The following ZNF839 variants were observed in gnomAD, a reference collection of about 807,000 sequenced individuals.
The protein encoded by ZNF839 is renal carcinoma antigen NY-REN-50.
In ZNF839, 38 loss-of-function variants were observed where a neutral mutation model predicts 56.4. The ratio of observed to expected loss-of-function variants is 0.67; its 90% CI spans 0.52 to 0.88. The LOEUF is 0.88. Among genes scored for constraint, ZNF839 ranks in the 40% least tolerant of loss-of-function variants. The pLI, the probability that ZNF839 is intolerant of heterozygous loss-of-function variation, is 0.00. For synonymous variants in ZNF839, 486 were observed against 493.5 expected, an observed-to-expected ratio of 0.98 and a Z score of 0.20; for missense variants, 1,091 against 1,177.6, an observed-to-expected ratio of 0.93 and a Z score of 1.08.
chr14:102,335,568 C>A, intron 4 of ZNF839, 121 bp from the exon 5 acceptor site: 1 of 998,432 alleles, frequency 1.0e-6, no homozygotes. Flanking sequence ...CTGAAGGAAA[C>A]GCACACCACT....
chr14:102,340,376 A>G (rs1162117142), intron 7 of ZNF839, among the ~76,000 whole-genome samples: 1 of 151,566 alleles, frequency 6.6e-6, no homozygotes, highest in Admixed American at 6.6e-5. Flanking sequence ...GGCTCAAGCA[A>G]TTCTCCTGCC....
Position 102,341,740 on chromosome 14 carries a change from A to C in ZNF839, c.2345A>C (p.His782Pro), listed in dbSNP as rs1466315996. The C allele has an allele frequency of 6.2e-7, 1 of 1,613,966 alleles. No homozygotes were observed. The highest frequency in any genetic ancestry group is 8.5e-7 in the Non-Finnish European group (1 of 1,179,884). The change falls in exon 8 of 8, where the codon CAC becomes CCC. Residue 782 changes from histidine to proline, a missense_variant. Physicochemically the swap from His to Pro is moderately conservative, Grantham distance 77 (BLOSUM62 -2). Transcript: ENST00000442396. The stretch of plus-strand genomic sequence containing the variant: ...AAGGTTTGTGACTTCCACCTGAACC[A>C]CCAGCAGCCCAGCCCCACCAGCGTC... Reference protein sequence around the residue: ...LGKVCDFHLNHQQPSPTSVLP... With the variant: ...LGKVCDFHLNPQQPSPTSVLP...
At chr14:102,327,833 C>T (rs1464234368) in intron 2 of ZNF839, among the ~76,000 whole-genome samples, 1 of 152,108 alleles carries the variant, frequency 6.6e-6, no homozygotes, top group Admixed American at 6.6e-5. Context: ...GGGAATGCAT[C>T]CGTCAGCTCT....
At chr14:102,318,648 T>C (rs985193146), upstream of ZNF839, among the ~76,000 whole-genome samples, 2 of 146,702 alleles carry the variant, frequency 1.4e-5, no homozygotes, top group Non-Finnish European at 3.0e-5. Context: ...AAAAAAAAAA[T>C]TGTGGTAAGA....
intron 1 of ZNF839, among the ~76,000 whole-genome samples, chr14:102,322,145 C>A (rs1259757432): frequency 6.6e-6 from 1 of 152,176 alleles, no homozygotes; most frequent in East Asian, 1.9e-4. Context: ...GGCAGCCCAC[C>A]ACCTCTGGGC....
In ZNF839 at chr14:102,328,376, ATATATATATAT is replaced by A. The variant is rs1167744157; in HGVS notation, c.1191+1490_1191+1500del. On this transcript the variant is annotated intron_variant, in intron 2 of 7. Coordinates refer to ENST00000442396, the MANE Select transcript of ZNF839 (RefSeq NM_018335.6). Reference sequence around the variant, plus strand: ...TCTCAAAAAAAAAAAAAAAAAAAAAATATATATATATATATATATATATATATATATATATG... The same window carrying A: ...TCTCAAAAAAAAAAAAAAAAAAAAAAATATATATATATATATATATATATG... Among the ~76,000 whole-genome samples, 84 of 16,944 alleles carry A rather than the reference ATATATATATAT, an allele frequency of 5.0e-3. 2 individuals carry two copies. The highest frequency in any genetic ancestry group is 0.015 in the African/African-American group (73 of 4,742). 11.1% of individuals were successfully genotyped at this position (16,944 alleles called of 152,430 possible).
rs2073039984 is a variant in ZNF839, at chr14:102,320,054, G to A, written c.288+1G>A. Reference sequence around the variant, plus strand: ...CCTGCCGCGCCTGCTCCCGCCCCAGGTGAGGCGTCGGGAGGGACGTGGGGA... The same window carrying A: ...CCTGCCGCGCCTGCTCCCGCCCCAGATGAGGCGTCGGGAGGGACGTGGGGA... On this transcript the variant is annotated splice_donor_variant, in intron 1 of 7. Coordinates refer to ENST00000442396, the MANE Select transcript of ZNF839 (RefSeq NM_018335.6). LOFTEE classifies it high-confidence loss of function. 8.5e-7 allele frequency: 1 copy of A among 1,182,510 alleles called. No individual in the cohort carries two copies. Among genetic ancestry groups the A allele is most frequent in the Non-Finnish European group, 1.0e-6 (1 of 956,478 alleles). 73.3% of individuals were successfully genotyped at this position (1,182,510 alleles called of 1,614,324 possible). A position where few individuals can be genotyped will look rare whatever the true frequency, so the allele number is the denominator to read the frequency against.
upstream of ZNF839, chr14:102,319,407 T>G: frequency 5.6e-6 from 1 of 177,342 alleles, no homozygotes; most frequent in Non-Finnish European, 1.2e-5. The surrounding 1 kb of genome is among the most constrained non-coding windows in gnomAD (Gnocchi z 4.5). Flanking sequence ...CCTCCGCTGA[T>G]TCGGATGCAT....
upstream of ZNF839, among the ~76,000 whole-genome samples, chr14:102,319,043 G>A (rs1450074124): frequency 6.6e-6 from 1 of 152,254 alleles, no homozygotes. This position sits in a 1 kb window ranked among gnomAD's most constrained non-coding sequence, Gnocchi z 4.5. Context: ...TCAACCGTAA[G>A]AAGGAGAGGC....
At chr14:102,331,458 C>G in intron 2 of ZNF839, 164 bp from the exon 3 acceptor site, 1 of 605,416 alleles carries the variant, frequency 1.7e-6, no homozygotes, top group Admixed American at 3.0e-5. Context: ...CCATGCTGGC[C>G]AGGTCGGTCT....
intron 2 of ZNF839, among the ~76,000 whole-genome samples, chr14:102,328,215 A>G (rs2073524960): frequency 6.6e-6 from 1 of 150,690 alleles, no homozygotes; most frequent in African/African-American, 2.4e-5. Flanking sequence ...TAAGCTGGGT[A>G]TGGTAGCACA....
intron 2 of ZNF839, among the ~76,000 whole-genome samples, chr14:102,327,338 A>G (rs562100867): frequency 5.3e-5 from 8 of 151,858 alleles, no homozygotes; most frequent in African/African-American, 1.9e-4. Flanking sequence ...ACAGGGTTTC[A>G]CCATGTTGGC....
At chr14:102,330,415 G>A (rs1341311231) in intron 2 of ZNF839, among the ~76,000 whole-genome samples, 1 of 151,562 alleles carries the variant, frequency 6.6e-6, no homozygotes, top group African/African-American at 2.4e-5. Flanking sequence ...TGTATTTTTA[G>A]TAGAGACGGG....
At chr14:102,338,745 G>A in intron 5 of ZNF839, 71 bp from the exon 6 acceptor site, 1 of 1,581,298 alleles carries the variant, frequency 6.3e-7, no homozygotes, top group African/African-American at 1.4e-5. Context: ...TTTAATTCTT[G>A]CATGTGAATG....
chr14:102,319,940 C>T lies in ZNF839; in HGVS notation c.175C>T (p.Pro59Ser). 1 of 1,198,732 alleles carries T rather than the reference C, an allele frequency of 8.3e-7. No individual in the cohort carries two copies. Among genetic ancestry groups the T allele is most frequent in the Non-Finnish European group, 1.0e-6 (1 of 965,936 alleles). The allele number at this position is 1,198,732 out of a possible 1,614,324, so 74.3% of individuals were successfully genotyped here. Residue 59 changes from proline to serine, a missense_variant, in exon 1 of 8, where the codon CCC becomes TCC. Coordinates refer to ENST00000442396, the MANE Select transcript of ZNF839 (RefSeq NM_018335.6). This position sits in a 1 kb window ranked among gnomAD's most constrained non-coding sequence, Gnocchi z 4.5. ...GGCGCAGCCGCCGCCGCCGCCGCCC[C>T]CCTTCGTGCTGCGGGACGCGGCGCG... ...TKAQPPPPPP[P>S]FVLRDAARRL...
chr14:102,326,605 A>C lies in ZNF839; in HGVS notation c.909A>C (p.Leu303Phe). ...GGGAGAGGCACGCACTCTTTGACTT[A>C]TCGAGCTGCTCCCTGAGGCCCAAAA... ...DQRERHALFD[L>F]SSCSLRPKSF... The change falls in exon 2 of 8, where the codon TTA becomes TTC. Residue 303 changes from leucine to phenylalanine, a missense_variant. Around this residue, in one of 3 missense-constraint regions of ZNF839, gnomAD observed 614 missense variants for 629.2 expected, o/e 0.98. Transcript: ENST00000442396. The surrounding 1 kb of genome is among the most constrained non-coding windows in gnomAD (Gnocchi z 4.3). The C allele has an allele frequency of 6.2e-7, 1 of 1,613,852 alleles. No individual in the cohort carries two copies. The highest frequency in any genetic ancestry group is 1.1e-5 in the South Asian group (1 of 91,048).
rs773513084 is a variant in ZNF839, at chr14:102,341,751, AG to A, written c.2357del (p.Ser786ThrfsTer47). ...CTTCCACCTGAACCACCAGCAGCCC[AG>A]CCCCACCAGCGTCCTGCCTACAGAG... The part of the protein sequence containing the change: ...CDFHLNHQQP[S>X]PTSVLPTEVA... On this transcript the variant is annotated frameshift_variant, in exon 8 of 8. Transcript: ENST00000442396. LOFTEE classifies it low-confidence loss of function (END_TRUNC). The A allele has an allele frequency of 6.2e-7, 1 of 1,614,006 alleles. No individual in the cohort carries two copies. Among genetic ancestry groups the A allele is most frequent in the Non-Finnish European group, 8.5e-7 (1 of 1,179,880 alleles).
chr14:102,327,032 T>C (rs2073452486), intron 2 of ZNF839, 145 bp downstream of exon 2: 1 of 1,039,778 alleles, frequency 9.6e-7, no homozygotes, highest in East Asian at 2.7e-5. Context: ...TGCTGGCATC[T>C]GTTTAGCTTC....
chr14:102,339,022 T>C, intron 6 of ZNF839, 69 bp downstream of exon 6: 1 of 1,613,426 alleles, frequency 6.2e-7, no homozygotes, highest in Non-Finnish European at 8.5e-7. Flanking sequence ...CTTCTTCTGT[T>C]CACACCAGGA....
Sources: gnomAD v4.1 joint callset for allele counts (sites outside exome capture counted in the v4.1 genomes callset) on GRCh38, gnomAD v4.1.1 for gene constraint, gnomAD v4.1.1 regional missense constraint, Gnocchi (gnomAD v3.1) non-coding constraint, MANE v1.5 for transcripts, NCBI Gene and HGNC (gene_info 2026-07-23, HGNC 2026-07-21) for gene names.